Variants in HEPHL1 observed in about 807,000 individuals in gnomAD.
The protein encoded by HEPHL1 is hephaestin like 1, also known as ferroxidase HEPHL1.
In HEPHL1, 123 loss-of-function variants were observed where a neutral mutation model predicts 122.0. The observed-to-expected ratio is 1.01, with a 90% confidence interval of 0.87 to 1.17. The LOEUF (loss-of-function observed/expected upper bound fraction) is 1.17, where lower values mean the gene tolerates loss of function less well. HEPHL1 is among the 50% of genes most tolerant of loss of function. The probability of loss-of-function intolerance (pLI) is 0.00; values close to 1 mark genes in which losing one functional copy is unlikely to be tolerated. For synonymous variants in HEPHL1, 527 were observed against 508.9 expected, an observed-to-expected ratio of 1.04 and a Z score of -0.48; for missense variants, 1,452 against 1,430.5, an observed-to-expected ratio of 1.01 and a Z score of -0.24.
In HEPHL1 at chr11:94,112,223, T is replaced by A; in HGVS notation, c.*329T>A. 5.5e-6 allele frequency: 1 copy of A among 182,510 alleles called. No homozygotes were observed. The highest frequency in any genetic ancestry group is 1.1e-5 in the Non-Finnish European group (1 of 88,488). 11.3% of individuals were successfully genotyped at this position (182,510 alleles called of 1,614,324 possible). A position where few individuals can be genotyped will look rare whatever the true frequency, so the allele number is the denominator to read the frequency against. On this transcript the variant is annotated 3_prime_UTR_variant, in exon 20 of 20. Coordinates refer to ENST00000315765, the MANE Select transcript of HEPHL1 (RefSeq NM_001098672.2). Reference sequence around the variant, plus strand: ...TTTATATTCCATCTTTTATAATTCTTGAACAGTGCTTTCTTAGCTAACCAC... The same window carrying A: ...TTTATATTCCATCTTTTATAATTCTAGAACAGTGCTTTCTTAGCTAACCAC...
At chr11:94,065,080 T>C (rs1946022478) in intron 4 of HEPHL1, among the ~76,000 whole-genome samples, 1 of 152,220 alleles carries the variant, frequency 6.6e-6, no homozygotes, top group Non-Finnish European at 1.5e-5. Context: ...TGAACTTCTA[T>C]AGTTACTTCA....
intron 1 of HEPHL1, among the ~76,000 whole-genome samples, chr11:94,029,594 A>C (rs1945655555): frequency 6.6e-6 from 1 of 152,250 alleles, no homozygotes; most frequent in Non-Finnish European, 1.5e-5. Context: ...GCCTGAGAAT[A>C]AAAATTTGGC....
chr11:94,102,440 T>TA (rs1222237533), intron 14 of HEPHL1, among the ~76,000 whole-genome samples: 3 of 152,148 alleles, frequency 2.0e-5, no homozygotes, highest in Non-Finnish European at 2.9e-5. Flanking sequence ...GAGAAGCTTT[T>TA]AAAAAACACT....
intron 14 of HEPHL1, among the ~76,000 whole-genome samples, chr11:94,101,659 C>T (rs997327724): frequency 1.3e-5 from 2 of 152,120 alleles, no homozygotes; most frequent in Admixed American, 6.5e-5. Flanking sequence ...GGTGTGTATA[C>T]TCTAAGGGTT....
chr11:94,071,745 G>A lies in HEPHL1; in HGVS notation c.1232+1203G>A, dbSNP rs142061579. Among the ~76,000 whole-genome samples, 762 of 152,272 alleles carry A rather than the reference G, an allele frequency of 5.0e-3. 4 individuals are homozygous for A. Among genetic ancestry groups the A allele is most frequent in the South Asian group, 0.03 (145 of 4,824 alleles). ...TGTCCTGGTAGTGAGTTATCTGGAT[G>A]CTCAGAGAGAGCTAAGCTGGCCAGG... On this transcript the variant is annotated intron_variant, in intron 6 of 19. Coordinates refer to ENST00000315765, the MANE Select transcript of HEPHL1 (RefSeq NM_001098672.2).
At chr11:94,025,670 T>A (rs927905642) in intron 1 of HEPHL1, among the ~76,000 whole-genome samples, 3 of 152,162 alleles carry the variant, frequency 2.0e-5, no homozygotes, top group African/African-American at 7.2e-5. Context: ...CAAGGGGCTT[T>A]GAGTATTCTA....
chr11:94,057,934 T>C (rs932528258), intron 2 of HEPHL1, among the ~76,000 whole-genome samples: 2 of 152,186 alleles, frequency 1.3e-5, no homozygotes, highest in Non-Finnish European at 2.9e-5. Context: ...GGTTATTTTT[T>C]TTGCTTGCTT....
chr11:94,058,941 C>G (rs1945962324), intron 2 of HEPHL1, among the ~76,000 whole-genome samples: 1 of 152,012 alleles, frequency 6.6e-6, no homozygotes, highest in African/African-American at 2.4e-5. Flanking sequence ...TACATATTCA[C>G]TAAATTAGTT....
At chr11:94,067,138 C>T (rs985672949) in intron 4 of HEPHL1, among the ~76,000 whole-genome samples, 2 of 152,108 alleles carry the variant, frequency 1.3e-5, no homozygotes, top group African/African-American at 2.4e-5. Context: ...CTGGTGAAGA[C>T]AGCAGATATG....
At chr11:94,042,883 A>AAAAAAAAAAACAAAC (rs1555058779) in intron 1 of HEPHL1, among the ~76,000 whole-genome samples, 11 of 132,398 alleles carry the variant, frequency 8.3e-5, no homozygotes, top group African/African-American at 3.1e-4. Context: ...AATAAAAAAA[A>AAAAAAAAAAACAAAC]AAAAAAAAAA....
rs1021989659 is a variant in HEPHL1 at position 94,113,033 on chromosome 11, G to A, written c.*1139G>A. 6.6e-6 allele frequency: 1 copy of A among 152,176 alleles called. No individual in the cohort carries two copies. Among genetic ancestry groups the A allele is most frequent in the Non-Finnish European group, 1.5e-5 (1 of 68,028 alleles). 9.4% of individuals were successfully genotyped at this position (152,176 alleles called of 1,614,324 possible). On this transcript the variant is annotated 3_prime_UTR_variant, in exon 20 of 20. Coordinates refer to ENST00000315765, the MANE Select transcript of HEPHL1 (RefSeq NM_001098672.2). ...GAAAGGTGAGAAAAAGATAATCTTG[G>A]TGGCAGATTCTCTTAAACCATTAAA... is the stretch of plus-strand genomic sequence containing the variant.
chr11:94,026,465 C>T (rs1945626105), intron 1 of HEPHL1, among the ~76,000 whole-genome samples: 1 of 152,218 alleles, frequency 6.6e-6, no homozygotes, highest in Non-Finnish European at 1.5e-5. Context: ...CCCTCCCCTA[C>T]CTCAGTTCTC....
At chr11:94,064,955 T>C (rs919647410) in intron 4 of HEPHL1, among the ~76,000 whole-genome samples, 2 of 152,228 alleles carry the variant, frequency 1.3e-5, no homozygotes, top group African/African-American at 4.8e-5. Flanking sequence ...AACTGAGTTA[T>C]GCATGGGGTT....
At position 94,104,743 on chromosome 11, in the gene HEPHL1, A is replaced by G. The variant is rs1946395626; in HGVS notation, c.2898A>G (p.Arg966=). Reference sequence around the variant, plus strand: ...CTGATGATTTTGAGGAAAGCAACAGAATGCATGGTATATCCAAAGTTTAAA... The same window carrying G: ...CTGATGATTTTGAGGAAAGCAACAGGATGCATGGTATATCCAAAGTTTAAA... ...KRTDDFEESN[R]MHAINGKIFG... The change falls in exon 16 of 20, where the codon AGA becomes AGG. Residue 966 remains arginine (R), a synonymous_variant. Transcript: ENST00000315765. 1 of 1,610,058 alleles carries G rather than the reference A, an allele frequency of 6.2e-7. No homozygotes were observed. The highest frequency in any genetic ancestry group is 8.5e-7 in the Non-Finnish European group (1 of 1,176,474).
At chr11:94,025,081 C>G (rs1441474476) in intron 1 of HEPHL1, among the ~76,000 whole-genome samples, 2 of 152,168 alleles carry the variant, frequency 1.3e-5, no homozygotes, top group East Asian at 1.9e-4. Flanking sequence ...AGGACGAGAT[C>G]GAAAATGAAT....
intron 4 of HEPHL1, among the ~76,000 whole-genome samples, chr11:94,065,618 A>G (rs1946026959): frequency 6.6e-6 from 1 of 152,138 alleles, no homozygotes; most frequent in Admixed American, 6.6e-5. Flanking sequence ...AGTAAGGGAG[A>G]GAAGGAAAGG....
At chr11:94,044,473 A>G (rs1945815653) in intron 1 of HEPHL1, among the ~76,000 whole-genome samples, 1 of 152,130 alleles carries the variant, frequency 6.6e-6, no homozygotes, top group African/African-American at 2.4e-5. Context: ...AACCTCAGTG[A>G]GTCTCAGTGC....
chr11:94,083,321 C>T (rs528449424), intron 10 of HEPHL1, among the ~76,000 whole-genome samples: 1 of 152,284 alleles, frequency 6.6e-6, no homozygotes, highest in East Asian at 1.9e-4. Flanking sequence ...GTTCCTATCC[C>T]AGATCTTCAT....
chr11:94,090,710 GC>G (rs1946258162), intron 12 of HEPHL1, among the ~76,000 whole-genome samples: 1 of 152,174 alleles, frequency 6.6e-6, no homozygotes, highest in Non-Finnish European at 1.5e-5. Flanking sequence ...GTAGATAAGA[GC>G]CCAGTGACAC....
Sources: allele counts gnomAD v4.1 joint callset (sites outside exome capture counted in the v4.1 genomes callset), GRCh38; gene constraint gnomAD v4.1.1; transcripts MANE v1.5; gene names NCBI Gene and HGNC (gene_info 2026-07-23, HGNC 2026-07-21).